Variants in EXOC4 observed in about 807,000 individuals in gnomAD.
The protein encoded by EXOC4 is SEC8-like 1.
A neutral mutation model predicts 107.2 loss-of-function variants in EXOC4; 71 were observed. The ratio of observed to expected loss-of-function variants is 0.66; its 90% CI spans 0.55 to 0.81. The LOEUF (loss-of-function observed/expected upper bound fraction) is 0.81, where lower values mean the gene tolerates loss of function less well. Among genes scored for constraint, EXOC4 ranks in the 30% least tolerant of loss-of-function variants. The pLI is 0.00. For synonymous variants in EXOC4, 456 were observed against 441.2 expected (o/e 1.03, Z -0.42); for missense variants, 1,108 against 1,189.6 (o/e 0.93, Z 1.01).
At chr7:133,352,332 A>G (rs886611350) in intron 5 of EXOC4, among the ~76,000 whole-genome samples, 8 of 151,968 alleles carry the variant, frequency 5.3e-5, no homozygotes, top group Admixed American at 3.3e-4. Context: ...TTTGCTTCAT[A>G]TATTTTGATA....
At chr7:133,300,161 G>A (rs1242405966) in intron 3 of EXOC4, among the ~76,000 whole-genome samples, 1 of 152,118 alleles carries the variant, frequency 6.6e-6, no homozygotes, top group Non-Finnish European at 1.5e-5. Flanking sequence ...TTAAGAATGG[G>A]CATTTTTGAT....
At chr7:134,042,963 C>G (rs900435197) in intron 17 of EXOC4, among the ~76,000 whole-genome samples, 2 of 152,144 alleles carry the variant, frequency 1.3e-5, no homozygotes, top group Non-Finnish European at 2.9e-5. Context: ...ATTGCTTGAG[C>G]CCGGGAGGTG....
chr7:134,051,999 G>GAAAGA (rs1554440603), intron 17 of EXOC4, among the ~76,000 whole-genome samples: 67 of 150,988 alleles, frequency 4.4e-4, no homozygotes, highest in African/African-American at 1.6e-3. Flanking sequence ...AAAAAAGAAA[G>GAAAGA]AAAAAAAAAT....
chr7:133,725,959 A>G (rs1795206363), intron 10 of EXOC4, among the ~76,000 whole-genome samples: 1 of 152,196 alleles, frequency 6.6e-6, no homozygotes, highest in Admixed American at 6.5e-5. Flanking sequence ...TCCACATTTG[A>G]CAAAAAGGAG....
At chr7:133,469,391 G>T (rs1798815420) in intron 7 of EXOC4, among the ~76,000 whole-genome samples, 1 of 152,106 alleles carries the variant, frequency 6.6e-6, no homozygotes, top group East Asian at 1.9e-4. Flanking sequence ...ACTCCAGCCT[G>T]GATGACAGAG....
intron 9 of EXOC4, among the ~76,000 whole-genome samples, chr7:133,620,702 A>T (rs1400266165): frequency 6.6e-6 from 1 of 152,118 alleles, no homozygotes; most frequent in Non-Finnish European, 1.5e-5. Context: ...AAAAGAATGA[A>T]ATGTAATTAG....
chr7:133,928,828 C>T (rs541944510), intron 13 of EXOC4, among the ~76,000 whole-genome samples: 15 of 150,542 alleles, frequency 1.0e-4, no homozygotes, highest in African/African-American at 3.4e-4. Flanking sequence ...GGTCAGAAGA[C>T]AGTGTCTAAA....
intron 7 of EXOC4, among the ~76,000 whole-genome samples, chr7:133,428,711 C>A (rs555227740): frequency 1.8e-4 from 28 of 152,140 alleles, no homozygotes; most frequent in Non-Finnish European, 3.2e-4. Context: ...CAGTTATATT[C>A]TACATCAGTG....
At chr7:133,393,661 T>A (rs554137731) in intron 7 of EXOC4, among the ~76,000 whole-genome samples, 6 of 152,308 alleles carry the variant, frequency 3.9e-5, no homozygotes, top group African/African-American at 1.2e-4. Flanking sequence ...CCTCGACAGT[T>A]CTGCCACGTG....
rs539026269 is a variant in EXOC4, at chr7:133,953,176, G to A, written c.2206+15107G>A. Among the ~76,000 whole-genome samples the A allele has an allele frequency of 4.6e-4, 70 of 152,118 alleles. 1 individual carries two copies. The highest frequency in any genetic ancestry group is 8.8e-4 in the Non-Finnish European group (60 of 68,034). On this transcript the variant is annotated intron_variant, in intron 14 of 17. Transcript: ENST00000253861. ...ATATGCTAAGATCTTGGCCAGGCAC[G>A]GTGGCTCACACCTGTAATCCCAGCA...
chr7:133,375,736 G>A (rs1002925153), intron 7 of EXOC4, among the ~76,000 whole-genome samples: 2 of 152,130 alleles, frequency 1.3e-5, no homozygotes, highest in African/African-American at 2.4e-5. Context: ...CTTATTTTGA[G>A]AGATGAGAAT....
rs139447674 is a variant in EXOC4 at position 133,536,900 on chromosome 7, T to C, written c.1417+56762T>C. ...GGGGCAAAAGTAAGACATATGCTTC[T>C]CTTTGGAAGTTGCCCACACTGACTA... On this transcript the variant is annotated intron_variant, in intron 9 of 17. Transcript: ENST00000253861. Among the ~76,000 whole-genome samples the C allele has an allele frequency of 3.9e-5, 6 of 152,198 alleles. No homozygotes were observed. In the East Asian group the frequency reaches 1.2e-3, roughly 29 times the overall value.
rs565404148 is a variant in EXOC4 at position 133,606,640 on chromosome 7, G to A, written c.1418-23405G>A. Reference sequence around the variant, plus strand: ...AGCAATTCTCCTTCCTCAGCCTCCTGAGTAGCTAGGATTATAGGTGTGCAC... The same window carrying A: ...AGCAATTCTCCTTCCTCAGCCTCCTAAGTAGCTAGGATTATAGGTGTGCAC... On this transcript the variant is annotated intron_variant, in intron 9 of 17. Coordinates refer to ENST00000253861, the MANE Select transcript of EXOC4 (RefSeq NM_021807.4). Among the ~76,000 whole-genome samples, 470 of 151,388 alleles carry A rather than the reference G, an allele frequency of 3.1e-3. 2 individuals carry two copies. Among genetic ancestry groups the A allele is most frequent in the African/African-American group, 0.011 (455 of 41,262 alleles).
chr7:133,271,984 AG>A (rs760807908), intron 1 of EXOC4, among the ~76,000 whole-genome samples: 16 of 152,048 alleles, frequency 1.1e-4, no homozygotes, highest in Non-Finnish European at 1.5e-4. Flanking sequence ...TTGTCTTCAG[AG>A]GGTGTACTTT....
chr7:134,069,368 C>T (rs1796240090), downstream of EXOC4, among the ~76,000 whole-genome samples: 2 of 145,546 alleles, frequency 1.4e-5, no homozygotes, highest in African/African-American at 2.5e-5. Context: ...CTTCCTCCTC[C>T]CTCTTCTCCT....
intron 6 of EXOC4, among the ~76,000 whole-genome samples, chr7:133,365,240 C>CT (rs1687909877): frequency 6.6e-6 from 1 of 152,106 alleles, no homozygotes; most frequent in Non-Finnish European, 1.5e-5. Flanking sequence ...CAACAAAGCA[C>CT]TAAGAATATG....
chr7:133,279,578 G>A (rs1322040780), intron 2 of EXOC4, among the ~76,000 whole-genome samples: 1 of 152,156 alleles, frequency 6.6e-6, no homozygotes, highest in African/African-American at 2.4e-5. Context: ...GAGTGCAGTA[G>A]CACTATCATG....
chr7:133,542,836 A>G (rs982510345), intron 9 of EXOC4, among the ~76,000 whole-genome samples: 1 of 152,114 alleles, frequency 6.6e-6, no homozygotes. Flanking sequence ...TGTCAGTACC[A>G]TTTTAGTTTT....
intron 4 of EXOC4, among the ~76,000 whole-genome samples, chr7:133,312,564 G>A (rs1444648693): frequency 1.3e-5 from 2 of 152,028 alleles, no homozygotes; most frequent in African/African-American, 4.8e-5. Flanking sequence ...AAATGAAATG[G>A]GAAAATGTTT....
Sources: gnomAD v4.1 joint callset for allele counts (sites outside exome capture counted in the v4.1 genomes callset) on GRCh38, gnomAD v4.1.1 for gene constraint, MANE v1.5 for transcripts, NCBI Gene and HGNC (gene_info 2026-07-23, HGNC 2026-07-21) for gene names.